The following PLEKHA7 variants were observed in gnomAD, a reference collection of about 807,000 sequenced individuals.
PLEKHA7 encodes the protein pleckstrin homology domain containing A7, also known as pleckstrin homology domain-containing family A member 7.
PLEKHA7 carries 104 observed loss-of-function variants against 170.0 expected under a neutral mutation model. The observed-to-expected ratio is 0.61, with a 90% CI of 0.52 to 0.72. PLEKHA7 has a LOEUF of 0.72. PLEKHA7 is among the 30% of genes least tolerant of loss of function. The pLI, the probability that PLEKHA7 is intolerant of heterozygous loss-of-function variation, is 0.00. For synonymous variants in PLEKHA7, 648 were observed against 660.8 expected (o/e 0.98, Z 0.30); for missense variants, 1,615 against 1,671.7 (o/e 0.97, Z 0.59).
At chr11:16,880,726 C>T (rs998780448) in intron 3 of PLEKHA7, among the ~76,000 whole-genome samples, 1 of 152,156 alleles carries the variant, frequency 6.6e-6, no homozygotes, top group African/African-American at 2.4e-5. Context: ...AACTGCGGCC[C>T]GAGAAAAGCC....
At chr11:16,987,234 A>AAAAGC (rs1458047521) in intron 3 of PLEKHA7, among the ~76,000 whole-genome samples, 1 of 151,746 alleles carries the variant, frequency 6.6e-6, no homozygotes, top group African/African-American at 2.4e-5. Context: ...CCTCCCAACC[A>AAAAGC]AAAGCCTCCC....
At chr11:16,897,831 C>A (rs1042460041) in intron 3 of PLEKHA7, among the ~76,000 whole-genome samples, 4 of 152,092 alleles carry the variant, frequency 2.6e-5, no homozygotes, top group African/African-American at 4.8e-5. Flanking sequence ...ATGTAAAAGG[C>A]GATTAAGGAA....
chr11:16,971,742 GT>G (rs1207580126), intron 3 of PLEKHA7, among the ~76,000 whole-genome samples: 1 of 151,958 alleles, frequency 6.6e-6, no homozygotes, highest in Non-Finnish European at 1.5e-5. Flanking sequence ...TTCTTTTATA[GT>G]TTTTTTAAAT....
intron 9 of PLEKHA7, among the ~76,000 whole-genome samples, chr11:16,826,830 T>G (rs1850694579): frequency 6.6e-6 from 1 of 152,224 alleles, no homozygotes; most frequent in South Asian, 2.1e-4. Flanking sequence ...GATCTTATGC[T>G]GACCCCACTG....
intron 3 of PLEKHA7, among the ~76,000 whole-genome samples, chr11:16,968,099 G>A (rs902874254): frequency 1.1e-4 from 17 of 152,096 alleles, no homozygotes; most frequent in African/African-American, 4.1e-4. Flanking sequence ...GCAGGCAGAG[G>A]GAATAGACTG....
chr11:16,951,320 A>G (rs1475611631), intron 3 of PLEKHA7, among the ~76,000 whole-genome samples: 2 of 152,026 alleles, frequency 1.3e-5, no homozygotes, highest in African/African-American at 4.8e-5. Context: ...GGCTGAGAAT[A>G]CTCTCCATCA....
chr11:16,983,476 G>A (rs7101679), intron 3 of PLEKHA7, among the ~76,000 whole-genome samples: 52,912 of 152,098 alleles, frequency 0.35, 9,849 homozygotes, highest in Middle Eastern at 0.44. Context: ...GGGAGGAGGA[G>A]GGCAGCTCTG....
At position 16,789,888 on chromosome 11, in the gene PLEKHA7, G is replaced by C; in HGVS notation, c.3053-10C>G. 6.2e-7 allele frequency: 1 copy of C among 1,611,432 alleles called. No homozygotes were observed. The highest frequency in any genetic ancestry group is 8.5e-7 in the Non-Finnish European group (1 of 1,177,546). On this transcript the variant is annotated splice_polypyrimidine_tract_variant and intron_variant, in intron 21 of 26. Transcript: ENST00000531066. This position sits in a 1 kb window ranked among gnomAD's most constrained non-coding sequence, Gnocchi z 4.6. ...GTGGACCCTGAGAGCCCTTAGTGAG[G>C]AAAGAGAAGTGCAAGCATGTTTGTG...
rs540071268 is a variant in PLEKHA7, at chr11:17,012,837, G to A, written c.221+1152C>T. 3.9e-5 allele frequency among the ~76,000 whole-genome samples: 6 copies of A among 152,282 alleles called. No individual in the cohort carries two copies. In the South Asian group the frequency reaches 1.2e-3, roughly 32 times the overall value. On this transcript the variant is annotated intron_variant, in intron 3 of 26. Coordinates refer to ENST00000531066, the MANE Select transcript of PLEKHA7 (RefSeq NM_001329630.2). ...TTCACATACACACATATGAGGCAGG[G>A]CAATAGAACCGCAGCAAGGCCCTAG...
chr11:17,002,923 G>A (rs1864757036), intron 3 of PLEKHA7, among the ~76,000 whole-genome samples: 1 of 147,878 alleles, frequency 6.8e-6, no homozygotes, highest in African/African-American at 2.5e-5. Flanking sequence ...AACTACTTAA[G>A]AGCAAATAAC....
intron 8 of PLEKHA7, among the ~76,000 whole-genome samples, chr11:16,848,883 G>A (rs957903772): frequency 1.3e-5 from 2 of 152,186 alleles, no homozygotes; most frequent in African/African-American, 4.8e-5. Flanking sequence ...TCAAAGACAG[G>A]TGTCAAGGCC....
At position 17,014,312 on chromosome 11, in the gene PLEKHA7, G is replaced by A. The variant is rs1256455735; in HGVS notation, c.86+4C>T. The stretch of plus-strand genomic sequence containing the variant: ...CCCCGCGTCCCCGGGTCCTCGCGCC[G>A]CACTTGATGAAGAAGACGCGGCCAT... On this transcript the variant is annotated splice_donor_region_variant and intron_variant, in intron 1 of 26. Transcript: ENST00000531066. 12 of 1,439,160 alleles carry A rather than the reference G, an allele frequency of 8.3e-6. No homozygotes were observed. Among genetic ancestry groups the A allele is most frequent in the South Asian group, 1.4e-5 (1 of 69,782 alleles). 89.1% of individuals were successfully genotyped at this position (1,439,160 alleles called of 1,614,324 possible).
At chr11:16,829,364 T>C (rs1850923156) in intron 9 of PLEKHA7, among the ~76,000 whole-genome samples, 1 of 152,098 alleles carries the variant, frequency 6.6e-6, no homozygotes, top group Admixed American at 6.6e-5. Context: ...CTACTTATAC[T>C]GAAAGGGGTC....
chr11:16,932,785 C>T (rs887928311), intron 3 of PLEKHA7, among the ~76,000 whole-genome samples: 5 of 152,136 alleles, frequency 3.3e-5, no homozygotes, highest in Admixed American at 2.0e-4. Flanking sequence ...GGTAAGACCT[C>T]GCTAAGGTGT....
At chr11:16,937,376 A>C (rs1006056058) in intron 3 of PLEKHA7, among the ~76,000 whole-genome samples, 14 of 152,326 alleles carry the variant, frequency 9.2e-5, no homozygotes, top group Admixed American at 8.5e-4. Flanking sequence ...AAGCTTTCAA[A>C]ATAATCATCT....
At chr11:16,864,522 A>G (rs1322721615) in intron 4 of PLEKHA7, among the ~76,000 whole-genome samples, 2 of 152,148 alleles carry the variant, frequency 1.3e-5, no homozygotes, top group African/African-American at 2.4e-5. Flanking sequence ...CCCAAATTTC[A>G]TCTTGAATTT....
chr11:16,996,159 A>C, intron 3 of PLEKHA7, among the ~76,000 whole-genome samples: 1 of 152,212 alleles, frequency 6.6e-6, no homozygotes, highest in East Asian at 1.9e-4. Context: ...TTCTCATTTA[A>C]TCTCTGCAAA....
chr11:17,014,184 G>C lies in PLEKHA7; in HGVS notation c.104C>G (p.Thr35Arg). The C allele has an allele frequency of 1.3e-6, 2 of 1,596,098 alleles. No individual in the cohort carries two copies. Among genetic ancestry groups the C allele is most frequent in the Middle Eastern group, 1.8e-4 (1 of 5,554 alleles). ...CCCGGTGCGCGGATGCAGCCAGGTC[G>C]TGCAGCGGAGCTGGTCACTGCGGGC... ...VFFINDQLRC[T>R]TWLHPRTGEP... The change falls in exon 2 of 27, where the codon ACG (threonine) becomes AGG (arginine). Residue 35 changes from threonine (T) to arginine (R), a missense_variant. Thr to Arg is a moderately conservative substitution (Grantham distance 71, BLOSUM62 -1). Coordinates refer to ENST00000531066, the MANE Select transcript of PLEKHA7 (RefSeq NM_001329630.2).
chr11:16,816,766 A>T (rs766518316), intron 11 of PLEKHA7, 34 bp downstream of exon 11: 1 of 1,602,440 alleles, frequency 6.2e-7, no homozygotes, highest in Non-Finnish European at 8.5e-7. Context: ...CCTCATGATG[A>T]CCCAGCAGCC....
Sources: gnomAD v4.1 joint callset for allele counts (sites outside exome capture counted in the v4.1 genomes callset) on GRCh38, gnomAD v4.1.1 for gene constraint, Gnocchi (gnomAD v3.1) non-coding constraint, MANE v1.5 for transcripts, NCBI Gene and HGNC (gene_info 2026-07-23, HGNC 2026-07-21) for gene names.